Variants in UBE2V2 observed in about 807,000 individuals in gnomAD.
UBE2V2 encodes the protein ubiquitin conjugating enzyme E2 V2, also known as ubiquitin-conjugating enzyme E2 variant 2.
A neutral mutation model predicts 17.2 loss-of-function variants in UBE2V2; 9 were observed. The observed-to-expected ratio is 0.52, with a 90% CI of 0.32 to 0.91. UBE2V2 has a LOEUF of 0.91. UBE2V2 is among the 40% of genes least tolerant of loss of function. The pLI is 0.04. For synonymous variants in UBE2V2, 61 were observed against 57.5 expected, an observed-to-expected ratio of 1.06 and a Z score of -0.28; for missense variants, 133 against 182.6, an observed-to-expected ratio of 0.73 and a Z score of 1.56.
chr8:48,037,718 T>A (rs1371764341), intron 1 of UBE2V2, among the ~76,000 whole-genome samples: 1 of 152,208 alleles, frequency 6.6e-6, no homozygotes, highest in Non-Finnish European at 1.5e-5. Flanking sequence ...AGTAGACATT[T>A]GGTGCTGTTA....
At chr8:48,039,066 TGGGTTTGTATTTTTAGTAGAGAC>T (rs1188535714) in intron 1 of UBE2V2, among the ~76,000 whole-genome samples, 2 of 151,056 alleles carry the variant, frequency 1.3e-5, no homozygotes, top group African/African-American at 4.9e-5. Context: ...TTAGTAGAGA[TGGGTTTGTATTTTTAGTAGAGAC>T]GGGTTTGACC....
chr8:47,999,847 C>T, the UBE2V2 span, among the ~76,000 whole-genome samples: 2 of 152,186 alleles, frequency 1.3e-5, no homozygotes, highest in African/African-American at 4.8e-5. Flanking sequence ...CCCGATTGAG[C>T]AATTCCTGTC....
chr8:48,012,075 A>G (rs1290915745), intron 1 of UBE2V2, among the ~76,000 whole-genome samples: 1 of 152,224 alleles, frequency 6.6e-6, no homozygotes, highest in Non-Finnish European at 1.5e-5. Context: ...AGGCAAGACT[A>G]GAATCCAGGT....
At chr8:48,015,507 A>G (rs2091262465) in intron 1 of UBE2V2, among the ~76,000 whole-genome samples, 1 of 152,246 alleles carries the variant, frequency 6.6e-6, no homozygotes, top group South Asian at 2.1e-4. Context: ...TGGTGAGAAT[A>G]CTTAATAGCT....
At chr8:48,004,622 C>A (rs1471308584), upstream of UBE2V2, among the ~76,000 whole-genome samples, 1 of 151,052 alleles carries the variant, frequency 6.6e-6, no homozygotes, top group Non-Finnish European at 1.5e-5. Flanking sequence ...ACCTCCGCCT[C>A]TTGGGTTCAA....
At position 48,024,373 on chromosome 8, in the gene UBE2V2, A is replaced by G. The variant is rs536183110; in HGVS notation, c.16+15903A>G. ...CACTTTGGGAGGCCAGGGTAGGTGGATCACCTGAGGTCAGGAGTTGGAGAC... is the reference window on the plus strand; with the variant it reads ...CACTTTGGGAGGCCAGGGTAGGTGGGTCACCTGAGGTCAGGAGTTGGAGAC... On this transcript the variant is annotated intron_variant, in intron 1 of 3. Transcript: ENST00000523111. Among the ~76,000 whole-genome samples, 5 of 152,218 alleles carry G rather than the reference A, an allele frequency of 3.3e-5. No homozygotes were observed. The South Asian group carries it at 8.3e-4, about 25-fold the overall frequency.
chr8:48,064,581 G>A lies in UBE2V2; in HGVS notation c.*3753G>A, dbSNP rs564616336. The A allele has an allele frequency of 1.4e-3, 217 of 152,158 alleles. No homozygotes were observed. The highest frequency in any genetic ancestry group is 5.0e-3 in the African/African-American group (206 of 41,524). 9.4% of individuals were successfully genotyped at this position (152,158 alleles called of 1,614,324 possible). ...GTTGTTTATTTAAAAGTATTGTGGA[G>A]TGTTGAAAATAAAGATACACAATAA... On this transcript the variant is annotated 3_prime_UTR_variant, in exon 4 of 4. Transcript: ENST00000523111.
At chr8:48,022,361 C>T (rs2091311765) in intron 1 of UBE2V2, among the ~76,000 whole-genome samples, 1 of 152,094 alleles carries the variant, frequency 6.6e-6, no homozygotes, top group Non-Finnish European at 1.5e-5. Flanking sequence ...CTCTCGAACT[C>T]CTGACCTCAG....
upstream of UBE2V2, among the ~76,000 whole-genome samples, chr8:48,006,401 A>AT (rs532363389): frequency 0.053 from 8,009 of 151,990 alleles, 230 homozygotes; most frequent in Middle Eastern, 0.075. Flanking sequence ...GTACTAGGCA[A>AT]TTTTTTTTAC....
intron 1 of UBE2V2, among the ~76,000 whole-genome samples, chr8:48,039,889 C>G (rs2154507630): frequency 6.6e-6 from 1 of 152,134 alleles, no homozygotes; most frequent in African/African-American, 2.4e-5. Flanking sequence ...GCTACCACAC[C>G]TGGCTAATTT....
intron 1 of UBE2V2, among the ~76,000 whole-genome samples, chr8:48,015,883 T>G (rs1270458065): frequency 6.6e-6 from 1 of 151,958 alleles, no homozygotes; most frequent in African/African-American, 2.4e-5. Flanking sequence ...TCTTTATCCA[T>G]TTGTCTGTGT....
chr8:48,030,085 G>A (rs2091372804), intron 1 of UBE2V2, among the ~76,000 whole-genome samples: 1 of 152,202 alleles, frequency 6.6e-6, no homozygotes, highest in African/African-American at 2.4e-5. Context: ...CCTCACTGGA[G>A]AATGTGAAGT....
chr8:48,037,883 A>G (rs565831977), intron 1 of UBE2V2, among the ~76,000 whole-genome samples: 163 of 152,180 alleles, frequency 1.1e-3, no homozygotes, highest in Non-Finnish European at 1.5e-3. Flanking sequence ...TTACCTCCCA[A>G]TCCATTCCCA....
intron 1 of UBE2V2, among the ~76,000 whole-genome samples, chr8:48,019,164 A>G (rs1413747913): frequency 2.0e-5 from 3 of 152,146 alleles, no homozygotes; most frequent in Non-Finnish European, 4.4e-5. Context: ...TGGGAGTTCA[A>G]GACCAGCCTG....
intron 2 of UBE2V2, chr8:48,043,393 A>T (rs1013908269): frequency 5.4e-6 from 2 of 371,030 alleles, no homozygotes; most frequent in Admixed American, 4.6e-5. Context: ...GGTCATTGCC[A>T]TCAAAGTTTT....
At chr8:48,034,083 C>G (rs1229111561) in intron 1 of UBE2V2, among the ~76,000 whole-genome samples, 1 of 151,378 alleles carries the variant, frequency 6.6e-6, no homozygotes, top group Admixed American at 6.6e-5. Context: ...CCTTGGTAAC[C>G]ACTGTTTTTA....
intron 1 of UBE2V2, among the ~76,000 whole-genome samples, chr8:48,010,434 C>T (rs1411806646): frequency 1.4e-5 from 2 of 143,314 alleles, no homozygotes; most frequent in African/African-American, 5.2e-5. Context: ...CGCAGTCTTG[C>T]TCTGTCACCC....
intron 1 of UBE2V2, among the ~76,000 whole-genome samples, chr8:48,038,482 ATT>A (rs575210142): frequency 1.4e-5 from 2 of 143,190 alleles, no homozygotes. Context: ...TGCCCAGCTA[ATT>A]TTTTTTTTTT....
chr8:48,021,913 C>G (rs1339433820), intron 1 of UBE2V2, among the ~76,000 whole-genome samples: 1 of 151,984 alleles, frequency 6.6e-6, no homozygotes, highest in Non-Finnish European at 1.5e-5. Flanking sequence ...CTCCTTACCT[C>G]AGATGATCCA....
Sources: allele counts gnomAD v4.1 joint callset (sites outside exome capture counted in the v4.1 genomes callset), GRCh38; gene constraint gnomAD v4.1.1; transcripts MANE v1.5; gene names NCBI Gene and HGNC (gene_info 2026-07-23, HGNC 2026-07-21).